The following PRIMPOL variants were observed in gnomAD, a reference collection of about 807,000 sequenced individuals.
The protein encoded by PRIMPOL is primase and DNA directed polymerase, also known as DNA-directed primase/polymerase protein.
A neutral mutation model predicts 63.6 loss-of-function variants in PRIMPOL; 54 were observed. The ratio of observed to expected loss-of-function variants is 0.85; its 90% CI spans 0.68 to 1.07. PRIMPOL has a LOEUF of 1.07. Ranked by LOEUF, PRIMPOL falls within the 50% of genes least tolerant of loss-of-function variation. The pLI is 0.00. For synonymous variants in PRIMPOL, 197 were observed against 220.2 expected (o/e 0.89, Z 0.93); for missense variants, 610 against 648.3 (o/e 0.94, Z 0.64).
intron 2 of PRIMPOL, among the ~76,000 whole-genome samples, chr4:184,652,421 C>G (rs1015243378): frequency 6.6e-6 from 1 of 150,790 alleles, no homozygotes; most frequent in Admixed American, 6.6e-5. Context: ...AAAAAAAGCA[C>G]AATATATCGC....
At chr4:184,657,595 T>G (rs1235501148) in intron 3 of PRIMPOL, 1 of 250,596 alleles carries the variant, frequency 4.0e-6, no homozygotes, top group Non-Finnish European at 7.6e-6. Flanking sequence ...TGATGATATT[T>G]AAATGAAGCT....
At chr4:184,664,607 T>C (rs1311443851) in intron 5 of PRIMPOL, among the ~76,000 whole-genome samples, 2 of 152,194 alleles carry the variant, frequency 1.3e-5, no homozygotes, top group Admixed American at 1.3e-4. Context: ...CGGTACGCCC[T>C]TTGCCTGTTA....
At chr4:184,670,043 A>T (rs1407247918) in intron 6 of PRIMPOL, among the ~76,000 whole-genome samples, 1 of 152,162 alleles carries the variant, frequency 6.6e-6, no homozygotes, top group East Asian at 1.9e-4. Context: ...AATTTCTATG[A>T]CTGACTAGTC....
chr4:184,659,236 C>T, intron 3 of PRIMPOL, 104 bp from the exon 4 acceptor site: 4 of 808,684 alleles, frequency 4.9e-6, no homozygotes, highest in Non-Finnish European at 8.3e-6. Flanking sequence ...ATTACAGTTT[C>T]TGAAAACTTG....
chr4:184,688,786 G>C (rs184153123), intron 11 of PRIMPOL, among the ~76,000 whole-genome samples: 2 of 152,312 alleles, frequency 1.3e-5, no homozygotes, highest in East Asian at 3.9e-4. Context: ...CATTCTGTAG[G>C]TAAGGACTGA....
At position 184,694,725 on chromosome 4, in the gene PRIMPOL, CAGTGA is replaced by C. The variant is rs1561119691; in HGVS notation, c.1634_1638del (p.Glu545GlyfsTer2). The C allele has an allele frequency of 3.1e-6, 5 of 1,612,474 alleles. No individual in the cohort carries two copies. Among genetic ancestry groups the C allele is most frequent in the Non-Finnish European group, 4.2e-6 (5 of 1,178,426 alleles). On this transcript the variant is annotated frameshift_variant, in exon 14 of 14. Transcript: ENST00000314970. LOFTEE classifies it high-confidence loss of function. ...CAGAGAACAGTCTTCTCAGTTATAACAGTGAAGTGGATGAAATTCCTGATGAACTA... is the reference window on the plus strand; with the variant it reads ...CAGAGAACAGTCTTCTCAGTTATAACAGTGGATGAAATTCCTGATGAACTA...
intron 7 of PRIMPOL, among the ~76,000 whole-genome samples, chr4:184,675,926 T>C (rs1446848938): frequency 6.6e-6 from 1 of 152,194 alleles, no homozygotes; most frequent in Non-Finnish European, 1.5e-5. Context: ...GTTGCCTTTG[T>C]ACCCTTAGTT....
chr4:184,682,042 T>C (rs1755763402), intron 8 of PRIMPOL, among the ~76,000 whole-genome samples: 1 of 152,218 alleles, frequency 6.6e-6, no homozygotes, highest in African/African-American at 2.4e-5. Context: ...AAAAATTATT[T>C]TCTTTAATTG....
intron 6 of PRIMPOL, among the ~76,000 whole-genome samples, chr4:184,669,373 G>C (rs567072511): frequency 6.6e-6 from 1 of 152,338 alleles, no homozygotes; most frequent in East Asian, 1.9e-4. Context: ...CTGCCTTTCT[G>C]CAGTGTGTGG....
rs557300292 is a variant in PRIMPOL, at chr4:184,680,297, C to T, written c.1007+1903C>T. ...CTGCCTCACAGGTTCAAGCGATTCTCCTGCCTCAGCCTCCCAAGTAGCTGG... is the reference window on the plus strand; with the variant it reads ...CTGCCTCACAGGTTCAAGCGATTCTTCTGCCTCAGCCTCCCAAGTAGCTGG... On this transcript the variant is annotated intron_variant, in intron 8 of 13. Transcript: ENST00000314970. 2.9e-4 allele frequency among the ~76,000 whole-genome samples: 44 copies of T among 152,192 alleles called. 1 individual carries two copies. The South Asian group carries it at 7.9e-3, about 27-fold the overall frequency.
chr4:184,670,784 G>A (rs966046428), intron 6 of PRIMPOL, among the ~76,000 whole-genome samples: 3 of 152,052 alleles, frequency 2.0e-5, no homozygotes, highest in Non-Finnish European at 4.4e-5. Context: ...CTTACCTCAA[G>A]TGATCTGCCC....
intron 1 of PRIMPOL, among the ~76,000 whole-genome samples, chr4:184,651,248 G>C (rs1450288884): frequency 1.3e-5 from 2 of 150,940 alleles, no homozygotes; most frequent in Non-Finnish European, 2.9e-5. Context: ...CTGAGATTGC[G>C]CCACTGCACT....
intron 1 of PRIMPOL, among the ~76,000 whole-genome samples, chr4:184,651,500 A>G (rs1273846110): frequency 6.6e-6 from 1 of 152,128 alleles, no homozygotes; most frequent in East Asian, 1.9e-4. Flanking sequence ...GCAGAGCAGT[A>G]ATTTGCAAAG....
At chr4:184,675,778 C>T (rs1753140258) in intron 7 of PRIMPOL, among the ~76,000 whole-genome samples, 1 of 152,178 alleles carries the variant, frequency 6.6e-6, no homozygotes, top group Admixed American at 6.5e-5. Context: ...GATCATACCA[C>T]TGCACTCCAG....
At chr4:184,693,084 G>A (rs1274199002) in intron 13 of PRIMPOL, among the ~76,000 whole-genome samples, 1 of 152,104 alleles carries the variant, frequency 6.6e-6, no homozygotes, top group Non-Finnish European at 1.5e-5. Context: ...AGCAGAACAG[G>A]TGATGGGGTT....
chr4:184,687,277 G>T (rs1050988484), intron 11 of PRIMPOL, among the ~76,000 whole-genome samples: 3 of 152,116 alleles, frequency 2.0e-5, no homozygotes, highest in African/African-American at 7.2e-5. Context: ...CACTATGTTG[G>T]CTGGGCTGGT....
chr4:184,692,746 A>G (rs1759146672), intron 13 of PRIMPOL, among the ~76,000 whole-genome samples: 1 of 152,110 alleles, frequency 6.6e-6, no homozygotes, highest in African/African-American at 2.4e-5. Flanking sequence ...ACCTCCACAG[A>G]TAATTTATGA....
intron 11 of PRIMPOL, among the ~76,000 whole-genome samples, chr4:184,686,938 C>A (rs1166438638): frequency 6.6e-6 from 1 of 152,174 alleles, no homozygotes; most frequent in Non-Finnish European, 1.5e-5. Flanking sequence ...TTCTTCTGTT[C>A]TTTTTTCTAT....
chr4:184,676,329 CCCT>C (rs1753341051), intron 7 of PRIMPOL, among the ~76,000 whole-genome samples: 1 of 101,698 alleles, frequency 9.8e-6, no homozygotes, highest in Admixed American at 9.9e-5. Context: ...CCCTTTCCTT[CCCT>C]TCCCTTCCTT....
Sources: allele counts gnomAD v4.1 joint callset (sites outside exome capture counted in the v4.1 genomes callset), GRCh38; gene constraint gnomAD v4.1.1; transcripts MANE v1.5; gene names NCBI Gene and HGNC (gene_info 2026-07-23, HGNC 2026-07-21).